ST8SIA2: variants seen among roughly 807,000 people sequenced by gnomAD.
The protein encoded by ST8SIA2 is ST8 alpha-N-acetyl-neuraminide alpha-2,8-sialyltransferase 2.
In ST8SIA2, 22 loss-of-function variants were observed where a neutral mutation model predicts 37.6. The observed-to-expected ratio is 0.58, with a 90% CI of 0.42 to 0.83. The LOEUF (loss-of-function observed/expected upper bound fraction) is 0.83, where lower values mean the gene tolerates loss of function less well. Among genes scored for constraint, ST8SIA2 ranks in the 40% least tolerant of loss-of-function variants. The pLI is 0.00. For synonymous variants in ST8SIA2, 205 were observed against 201.2 expected (o/e 1.02, Z -0.16); for missense variants, 382 against 484.7 (o/e 0.79, Z 1.99).
At chr15:92,446,189 C>T (rs752290514) in intron 5 of ST8SIA2, among the ~76,000 whole-genome samples, 2 of 152,166 alleles carry the variant, frequency 1.3e-5, no homozygotes, top group Non-Finnish European at 2.9e-5. Context: ...GGGGCTGAAG[C>T]AGCTGGGGTT....
At chr15:92,454,494 G>A (rs1266498996) in intron 5 of ST8SIA2, among the ~76,000 whole-genome samples, 2 of 152,058 alleles carry the variant, frequency 1.3e-5, no homozygotes, top group African/African-American at 4.8e-5. Flanking sequence ...CATAACAGCT[G>A]GGTTAGATGG....
chr15:92,412,233 A>G (rs921158756), intron 1 of ST8SIA2, among the ~76,000 whole-genome samples: 2 of 152,118 alleles, frequency 1.3e-5, no homozygotes, highest in African/African-American at 4.8e-5. Flanking sequence ...TTTTAAAAAT[A>G]AAAGAGTGCA....
At chr15:92,422,537 A>T (rs2049643213) in intron 1 of ST8SIA2, 1 of 152,276 alleles carries the variant, frequency 6.6e-6, no homozygotes, top group Non-Finnish European at 1.5e-5. Flanking sequence ...AGACCCCATG[A>T]TGGAATCTCT....
At chr15:92,405,895 G>GC (rs2049504947) in intron 1 of ST8SIA2, among the ~76,000 whole-genome samples, 1 of 152,182 alleles carries the variant, frequency 6.6e-6, no homozygotes, top group Non-Finnish European at 1.5e-5. Flanking sequence ...TTTTGCCAAA[G>GC]CCTAAGTTGC....
At chr15:92,432,347 A>G (rs1168068917) in intron 2 of ST8SIA2, among the ~76,000 whole-genome samples, 1 of 152,226 alleles carries the variant, frequency 6.6e-6, no homozygotes, top group Admixed American at 6.5e-5. Context: ...TGGTGGTATC[A>G]AAAGGATGCA....
At chr15:92,440,345 G>C (rs1409608931) in intron 4 of ST8SIA2, among the ~76,000 whole-genome samples, 1 of 152,150 alleles carries the variant, frequency 6.6e-6, no homozygotes, top group Non-Finnish European at 1.5e-5. Context: ...TTGACATGCA[G>C]AGTTTTGGGG....
intron 5 of ST8SIA2, among the ~76,000 whole-genome samples, chr15:92,448,942 G>C (rs530062746): frequency 1.3e-5 from 2 of 152,190 alleles, no homozygotes; most frequent in South Asian, 4.2e-4. Context: ...GGTATGTGGG[G>C]GGGGGTGTGA....
chr15:92,396,469 TG>T (rs1412356098), intron 1 of ST8SIA2, among the ~76,000 whole-genome samples: 3 of 146,586 alleles, frequency 2.0e-5, no homozygotes, highest in African/African-American at 5.2e-5. Flanking sequence ...TGTTTGTTTT[TG>T]TTTTTTTTTT....
At chr15:92,461,886 C>T (rs1160004674) in intron 5 of ST8SIA2, among the ~76,000 whole-genome samples, 4 of 152,204 alleles carry the variant, frequency 2.6e-5, no homozygotes, top group Non-Finnish European at 5.9e-5. Context: ...TGTCCACAAA[C>T]ACTTGCTCCT....
At chr15:92,418,098 G>A (rs947611393) in intron 1 of ST8SIA2, among the ~76,000 whole-genome samples, 4 of 151,980 alleles carry the variant, frequency 2.6e-5, no homozygotes, top group East Asian at 1.9e-4. Context: ...GGTGGCCCTG[G>A]GCAAATCACT....
intron 5 of ST8SIA2, among the ~76,000 whole-genome samples, chr15:92,446,537 T>C (rs926720488): frequency 6.6e-6 from 1 of 152,244 alleles, no homozygotes; most frequent in Non-Finnish European, 1.5e-5. Flanking sequence ...CATATATTTA[T>C]TGAGTGCTTA....
chr15:92,467,597 G>A lies in ST8SIA2; in HGVS notation c.*3212G>A, dbSNP rs772516383. On this transcript the variant is annotated 3_prime_UTR_variant, in exon 6 of 6. Transcript: ENST00000268164. The stretch of plus-strand genomic sequence containing the variant: ...TTCTTTCCCAATCCCTCTCAACCAT[G>A]TATTTATTTATATATGTATGTATTT... The A allele has an allele frequency of 1.3e-5, 2 of 152,132 alleles. No individual in the cohort carries two copies. The highest frequency in any genetic ancestry group is 2.9e-5 in the Non-Finnish European group (2 of 68,050). The allele number at this position is 152,132 out of a possible 1,614,324, so 9.4% of individuals were successfully genotyped here.
intron 1 of ST8SIA2, among the ~76,000 whole-genome samples, chr15:92,408,415 G>A (rs2049523912): frequency 6.6e-6 from 1 of 152,150 alleles, no homozygotes; most frequent in African/African-American, 2.4e-5. Flanking sequence ...CGTTTCAGAT[G>A]TGTGCCCCGT....
At position 92,468,248 on chromosome 15, in the gene ST8SIA2, C is replaced by T. The variant is rs529673838; in HGVS notation, c.*3863C>T. ...ACAAACCTTTAAAAGTTCCCCGGCCCGTGAACAAATGTACAATTCTCTATT... is the reference window on the plus strand; with the variant it reads ...ACAAACCTTTAAAAGTTCCCCGGCCTGTGAACAAATGTACAATTCTCTATT... On this transcript the variant is annotated 3_prime_UTR_variant, in exon 6 of 6. Coordinates refer to ENST00000268164, the MANE Select transcript of ST8SIA2 (RefSeq NM_006011.4). 1 of 152,790 alleles carries T rather than the reference C, an allele frequency of 6.5e-6. No individual in the cohort carries two copies. The highest frequency in any genetic ancestry group is 2.4e-5 in the African/African-American group (1 of 41,562). 9.5% of individuals were successfully genotyped at this position (152,790 alleles called of 1,614,324 possible).
chr15:92,416,645 A>ACCCG (rs1198832728), intron 1 of ST8SIA2, among the ~76,000 whole-genome samples: 2 of 151,970 alleles, frequency 1.3e-5, no homozygotes, highest in Non-Finnish European at 2.9e-5. Flanking sequence ...GTGCCGTTGG[A>ACCCG]CCCGCTCCAG....
intron 4 of ST8SIA2, among the ~76,000 whole-genome samples, chr15:92,439,680 T>C (rs944454427): frequency 2.0e-5 from 3 of 152,170 alleles, no homozygotes; most frequent in Non-Finnish European, 4.4e-5. Flanking sequence ...TACCACAGCC[T>C]GGCAGCCAGA....
chr15:92,435,859 G>A (rs563807517), intron 3 of ST8SIA2, among the ~76,000 whole-genome samples: 2 of 152,240 alleles, frequency 1.3e-5, no homozygotes, highest in African/African-American at 4.8e-5. Context: ...TAGGGCTGCT[G>A]TAACAAATTA....
chr15:92,442,217 A>C (rs1405635150), intron 4 of ST8SIA2, among the ~76,000 whole-genome samples: 1 of 152,132 alleles, frequency 6.6e-6, no homozygotes, highest in Non-Finnish European at 1.5e-5. Flanking sequence ...AAAAGCTTGG[A>C]CTTCACAGCC....
chr15:92,406,520 G>A (rs2049509049), intron 1 of ST8SIA2, among the ~76,000 whole-genome samples: 2 of 152,328 alleles, frequency 1.3e-5, no homozygotes, highest in Non-Finnish European at 2.9e-5. Flanking sequence ...TCAGTAACAA[G>A]CCCCCAGGTG....
Sources: allele counts gnomAD v4.1 joint callset (sites outside exome capture counted in the v4.1 genomes callset), GRCh38; gene constraint gnomAD v4.1.1; transcripts MANE v1.5; gene names NCBI Gene and HGNC (gene_info 2026-07-23, HGNC 2026-07-21).